FSHR: variants seen among roughly 807,000 people sequenced by gnomAD.
FSHR encodes the protein follicle-stimulating hormone receptor.
A neutral mutation model predicts 52.1 loss-of-function variants in FSHR; 46 were observed. The observed-to-expected ratio is 0.88, with a 90% CI of 0.70 to 1.13. The LOEUF (loss-of-function observed/expected upper bound fraction) is 1.13, where lower values mean the gene tolerates loss of function less well. FSHR is among the 50% of genes most tolerant of loss of function. The pLI is 0.00. For missense variants in FSHR, 964 were observed against 834.6 expected (o/e 1.16, Z -1.91); for synonymous variants, 399 against 309.6 (o/e 1.29, Z -3.03).
intron 2 of FSHR, among the ~76,000 whole-genome samples, chr2:49,030,038 C>T (rs188727755): frequency 3.7e-4 from 57 of 152,254 alleles, no homozygotes; most frequent in Non-Finnish European, 6.5e-4. Flanking sequence ...AGTGGCTCTG[C>T]GGCAGACCTA....
At position 49,020,152 on chromosome 2, in the gene FSHR, G is replaced by A; in HGVS notation, c.233C>T (p.Ser78Phe). The change falls in exon 3 of 10, where the codon TCT (serine) becomes TTT (phenylalanine). Residue 78 changes from serine to phenylalanine, a missense_variant. Ser to Phe is a radical substitution (Grantham distance 155). Transcript: ENST00000406846. The part of the protein sequence containing the change: ...GFGDLEKIEI[S>F]QNDVLEVIEA... ...TATCACCTCCAAGACATCATTCTGA[G>A]AGATCTCTCTGTGGAGAAAAAAATA... The A allele has an allele frequency of 6.2e-7, 1 of 1,613,196 alleles. No homozygotes were observed. The highest frequency in any genetic ancestry group is 8.5e-7 in the Non-Finnish European group (1 of 1,179,220).
chr2:49,003,663 T>G (rs1282132141), intron 4 of FSHR, among the ~76,000 whole-genome samples: 1 of 152,006 alleles, frequency 6.6e-6, no homozygotes, highest in Non-Finnish European at 1.5e-5. Context: ...TATTTCAGAG[T>G]GGGGCGAGGA....
intron 1 of FSHR, among the ~76,000 whole-genome samples, chr2:49,098,453 G>A (rs891430081): frequency 2.0e-5 from 3 of 151,996 alleles, no homozygotes. Context: ...ATCATAAAGT[G>A]TAAATAGAAT....
At chr2:48,968,907 A>T in intron 8 of FSHR, 24 bp from the exon 9 acceptor site, 1 of 1,606,836 alleles carries the variant, frequency 6.2e-7, no homozygotes, top group Admixed American at 1.7e-5. Flanking sequence ...AGGTAAATAT[A>T]ACAGGATTAC....
In FSHR at chr2:49,012,026, T is replaced by C. The variant is rs530899295; in HGVS notation, c.374+5463A>G. Among the ~76,000 whole-genome samples, 623 of 152,176 alleles carry C rather than the reference T, an allele frequency of 4.1e-3. 7 individuals carry two copies. Among genetic ancestry groups the C allele is most frequent in the African/African-American group, 0.014 (574 of 41,542 alleles). ...TGTTCCCACCTGAAGAAAGCACATG[T>C]CATGGCAGCCATTAACAGGCATCAT... On this transcript the variant is annotated intron_variant, in intron 4 of 9. Coordinates refer to ENST00000406846, the MANE Select transcript of FSHR (RefSeq NM_000145.4).
At chr2:49,097,036 T>A (rs1670846650) in intron 1 of FSHR, among the ~76,000 whole-genome samples, 1 of 152,224 alleles carries the variant, frequency 6.6e-6, no homozygotes, top group Non-Finnish European at 1.5e-5. Context: ...CAATTAAATC[T>A]CTTTTCTTTA....
chr2:48,962,635 A>T lies in FSHR; in HGVS notation c.*98T>A. On this transcript the variant is annotated 3_prime_UTR_variant, in exon 10 of 10. Transcript: ENST00000406846. Reference sequence around the variant, plus strand: ...AGGTATGCCAGGAATATTAAATTAGATGAAATGTGTAGAAGCACTGTCAGC... The same window carrying T: ...AGGTATGCCAGGAATATTAAATTAGTTGAAATGTGTAGAAGCACTGTCAGC... The T allele has an allele frequency of 1.6e-6, 2 of 1,228,964 alleles. No homozygotes were observed. The highest frequency in any genetic ancestry group is 2.4e-5 in the East Asian group (1 of 42,362). The allele number at this position is 1,228,964 out of a possible 1,614,324, so 76.1% of individuals were successfully genotyped here.
intron 1 of FSHR, among the ~76,000 whole-genome samples, chr2:49,068,530 T>A (rs2103619221): frequency 6.6e-6 from 1 of 152,032 alleles, no homozygotes; most frequent in South Asian, 2.1e-4. Flanking sequence ...TTACCCAGGG[T>A]CACATGGCTG....
intron 2 of FSHR, among the ~76,000 whole-genome samples, chr2:49,062,248 A>C (rs570485511): frequency 1.1e-4 from 16 of 152,296 alleles, no homozygotes; most frequent in South Asian, 8.3e-4. Context: ...GGCACAGAAA[A>C]GAAATAAACC....
At chr2:49,015,260 A>C (rs966054077) in intron 4 of FSHR, among the ~76,000 whole-genome samples, 1 of 152,154 alleles carries the variant, frequency 6.6e-6, no homozygotes, top group Non-Finnish European at 1.5e-5. Context: ...ATTTAAATGC[A>C]AAGGCATGCT....
At chr2:49,051,830 T>C (rs1668870188) in intron 2 of FSHR, among the ~76,000 whole-genome samples, 1 of 152,152 alleles carries the variant, frequency 6.6e-6, no homozygotes, top group South Asian at 2.1e-4. Context: ...AGTTTTTGCG[T>C]TTAAGTCAAT....
chr2:49,125,041 C>A (rs1273860344), intron 1 of FSHR, among the ~76,000 whole-genome samples: 1 of 152,200 alleles, frequency 6.6e-6, no homozygotes, highest in African/African-American at 2.4e-5. Context: ...ACTGCTCTTG[C>A]TTGTTTGTCA....
At position 49,045,211 on chromosome 2, in the gene FSHR, G is replaced by A. The variant is rs530628140; in HGVS notation, c.224+23008C>T. On this transcript the variant is annotated intron_variant, in intron 2 of 9. Coordinates refer to ENST00000406846, the MANE Select transcript of FSHR (RefSeq NM_000145.4). ...AACTACACTGAAGCAGAGGCTGTGT[G>A]CCATTTCTCTTGTATCCTCTACCAC... 7.9e-5 allele frequency among the ~76,000 whole-genome samples: 12 copies of A among 152,214 alleles called. No individual in the cohort carries two copies. The South Asian group carries it at 1.7e-3, about 21-fold the overall frequency.
At chr2:49,004,605 A>G (rs1667015565) in intron 4 of FSHR, among the ~76,000 whole-genome samples, 1 of 152,186 alleles carries the variant, frequency 6.6e-6, no homozygotes, top group African/African-American at 2.4e-5. Context: ...TCATTTGACT[A>G]GCCTCTTGAA....
In FSHR at chr2:48,962,971, A is replaced by T. The variant is rs1415870940; in HGVS notation, c.1850T>A (p.Ile617Asn). 1.2e-6 allele frequency: 2 copies of T among 1,614,072 alleles called. No homozygotes were observed. Among genetic ancestry groups the T allele is most frequent in the Non-Finnish European group, 1.7e-6 (2 of 1,180,028 alleles). Reference sequence around the variant, plus strand: ...GAGGAAGGGGTTGGCACAGGAGTTGATGGGGTGAAACAGAACCAGCAGAAT... The same window carrying T: ...GAGGAAGGGGTTGGCACAGGAGTTGTTGGGGTGAAACAGAACCAGCAGAAT... ...AKILLVLFHPINSCANPFLYA... is the reference protein window; with the variant it reads ...AKILLVLFHPNNSCANPFLYA... The change falls in exon 10 of 10, where the codon ATC becomes AAC. Residue 617 changes from isoleucine to asparagine, a missense_variant. Physicochemically the swap from Ile to Asn is moderately radical, Grantham distance 149. Coordinates refer to ENST00000406846, the MANE Select transcript of FSHR (RefSeq NM_000145.4).
chr2:49,049,200 G>C (rs1222337009), intron 2 of FSHR, among the ~76,000 whole-genome samples: 1 of 151,654 alleles, frequency 6.6e-6, no homozygotes, highest in African/African-American at 2.4e-5. Context: ...AAAAAAAAAG[G>C]CCAATTCATT....
At chr2:49,124,270 C>T (rs1198400319) in intron 1 of FSHR, among the ~76,000 whole-genome samples, 1 of 151,842 alleles carries the variant, frequency 6.6e-6, no homozygotes, top group Non-Finnish European at 1.5e-5. Context: ...GCTGGGATTA[C>T]AGCCATGAGC....
Position 49,154,396 on chromosome 2 carries a change from AAG to A in FSHR, c.20_21del (p.Ser7PhefsTer20). On this transcript the variant is annotated frameshift_variant, in exon 1 of 10. Coordinates refer to ENST00000406846, the MANE Select transcript of FSHR (RefSeq NM_000145.4). LOFTEE classifies it high-confidence loss of function. MALLLVSLLAFLSLGSG... is the reference protein window; with the variant it reads MALLLVXLLAFLSLGSG... ...GAGCCCAAGCTCAGGAATGCCAGCA[AAG>A]AGACCAGGAGCAGGGCCATAATTAT... is the stretch of plus-strand genomic sequence containing the variant. 6.2e-7 allele frequency: 1 copy of A among 1,612,854 alleles called. No individual in the cohort carries two copies. The highest frequency in any genetic ancestry group is 8.5e-7 in the Non-Finnish European group (1 of 1,179,900).
chr2:49,040,833 G>C (rs1279013162), intron 2 of FSHR, among the ~76,000 whole-genome samples: 2 of 88,282 alleles, frequency 2.3e-5, no homozygotes, highest in African/African-American at 9.5e-5. Flanking sequence ...GCATACTCAA[G>C]GGGATGTGCT....
Sources: gnomAD v4.1 joint callset for allele counts (sites outside exome capture counted in the v4.1 genomes callset) on GRCh38, gnomAD v4.1.1 for gene constraint, MANE v1.5 for transcripts, NCBI Gene and HGNC (gene_info 2026-07-23, HGNC 2026-07-21) for gene names.